The following DIAPH1 variants were observed in gnomAD, a reference collection of about 807,000 sequenced individuals.
DIAPH1 encodes the protein protein diaphanous homolog 1.
Under a neutral mutation model 140.7 loss-of-function variants are expected in DIAPH1, and 46 were observed. That is an observed-to-expected ratio of 0.33 (90% CI 0.26 to 0.42). The LOEUF (loss-of-function observed/expected upper bound fraction) is 0.42, where lower values mean the gene tolerates loss of function less well. Ranked by LOEUF, DIAPH1 falls within the 10% of genes least tolerant of loss-of-function variation. The pLI is 1.00. For synonymous variants in DIAPH1, 565 were observed against 551.6 expected (o/e 1.02, Z -0.34); for missense variants, 1,310 against 1,558.7 (o/e 0.84, Z 2.69).
intron 18 of DIAPH1, among the ~76,000 whole-genome samples, chr5:141,541,718 G>C (rs1340694203): frequency 6.7e-6 from 1 of 148,712 alleles, no homozygotes; most frequent in Non-Finnish European, 1.5e-5. Flanking sequence ...AAAGAAGAAA[G>C]AAAGAAAAAG....
intron 27 of DIAPH1, among the ~76,000 whole-genome samples, chr5:141,519,430 T>C (rs767383654): frequency 6.6e-6 from 1 of 152,174 alleles, no homozygotes; most frequent in Non-Finnish European, 1.5e-5. Flanking sequence ...TGAAATAACA[T>C]CTGACTCCAG....
intron 14 of DIAPH1, among the ~76,000 whole-genome samples, chr5:141,575,406 CG>C (rs1345457283): frequency 2.0e-5 from 3 of 152,046 alleles, no homozygotes; most frequent in Admixed American, 2.0e-4. Flanking sequence ...CCCAGCACTT[CG>C]GGAGGCCGAG....
At chr5:141,540,067 A>G (rs147750383) in intron 18 of DIAPH1, among the ~76,000 whole-genome samples, 18 of 152,098 alleles carry the variant, frequency 1.2e-4, no homozygotes, top group Non-Finnish European at 4.4e-5. Context: ...TTACAGGTCT[A>G]AATTACCCTC....
intron 1 of DIAPH1, among the ~76,000 whole-genome samples, chr5:141,611,277 GA>G (rs1449459489): frequency 6.6e-6 from 1 of 151,906 alleles, no homozygotes; most frequent in Non-Finnish European, 1.5e-5. Flanking sequence ...AAACAGAGGA[GA>G]AAACCTTAGC....
chr5:141,554,692 A>G (rs532780782), intron 18 of DIAPH1, among the ~76,000 whole-genome samples: 1 of 152,328 alleles, frequency 6.6e-6, no homozygotes, highest in South Asian at 2.1e-4. Context: ...AATAAAAATA[A>G]TAACAGATCA....
At chr5:141,517,890 TG>T (rs1724124612) in intron 27 of DIAPH1, among the ~76,000 whole-genome samples, 1 of 152,224 alleles carries the variant, frequency 6.6e-6, no homozygotes, top group African/African-American at 2.4e-5. Context: ...TATTCATTTA[TG>T]GTATCTAGGC....
chr5:141,523,175 T>C (rs2099886821), intron 27 of DIAPH1, among the ~76,000 whole-genome samples: 1 of 152,186 alleles, frequency 6.6e-6, no homozygotes, highest in South Asian at 2.1e-4. Context: ...AGTATAACTA[T>C]CAAATGGGCC....
intron 13 of DIAPH1, 34 bp from the exon 14 acceptor site, chr5:141,576,328 T>C: frequency 6.6e-7 from 1 of 1,517,806 alleles, no homozygotes; most frequent in Non-Finnish European, 9.2e-7. Flanking sequence ...GTAAAGCTCC[T>C]AATTCTCTTG....
At chr5:141,532,714 A>G (rs138136869) in intron 19 of DIAPH1, among the ~76,000 whole-genome samples, 1,742 of 152,338 alleles carry the variant, frequency 0.011, 25 homozygotes, top group African/African-American at 0.028. Flanking sequence ...GCTTTGTATC[A>G]TTAGCACATG....
chr5:141,614,882 T>C lies in DIAPH1; in HGVS notation c.117+3916A>G, dbSNP rs187919394. On this transcript the variant is annotated intron_variant, in intron 1 of 27. Transcript: ENST00000389054. ...AGTTTTCTGCAAACTTTTGCAAAGC[T>C]CTCTGTATATTTTTCAGTTTTCTGC... Among the ~76,000 whole-genome samples, 1,145 of 151,674 alleles carry C rather than the reference T, an allele frequency of 7.5e-3. 18 individuals carry two copies. The highest frequency in any genetic ancestry group is 0.026 in the African/African-American group (1,087 of 41,330).
intron 1 of DIAPH1, 139 bp downstream of exon 1, chr5:141,618,659 G>C: frequency 1.7e-6 from 1 of 578,348 alleles, no homozygotes. Flanking sequence ...TCGGGCTGCA[G>C]AGCTGCGGAC....
At chr5:141,612,326 G>A (rs2099901977) in intron 1 of DIAPH1, among the ~76,000 whole-genome samples, 1 of 152,154 alleles carries the variant, frequency 6.6e-6, no homozygotes. Context: ...GAGAAATGAA[G>A]ACATATGTCC....
intron 27 of DIAPH1, chr5:141,518,760 C>T: frequency 1.6e-6 from 1 of 643,042 alleles, no homozygotes. Flanking sequence ...TGGGCTCAAG[C>T]AATCCTCCCA....
At chr5:141,553,739 G>A in intron 18 of DIAPH1, among the ~76,000 whole-genome samples, 1 of 151,946 alleles carries the variant, frequency 6.6e-6, no homozygotes, top group Admixed American at 6.6e-5. Context: ...AAAAAAATTA[G>A]AATAAGAATA....
chr5:141,612,016 G>A (rs1297780989), intron 1 of DIAPH1, among the ~76,000 whole-genome samples: 1 of 152,128 alleles, frequency 6.6e-6, no homozygotes, highest in African/African-American at 2.4e-5. Flanking sequence ...CCGGTAAGCC[G>A]AGATTATGCC....
intron 1 of DIAPH1, among the ~76,000 whole-genome samples, chr5:141,593,140 TCAA>T (rs1228627082): frequency 2.0e-5 from 3 of 152,010 alleles, no homozygotes; most frequent in Non-Finnish European, 4.4e-5. Context: ...TTAAGGATCC[TCAA>T]AAGGCTTAGG....
intron 18 of DIAPH1, among the ~76,000 whole-genome samples, chr5:141,539,679 G>C (rs1313855646): frequency 6.6e-6 from 1 of 151,982 alleles, no homozygotes; most frequent in Non-Finnish European, 1.5e-5. Context: ...ATATTTCTGG[G>C]AACTTGCCAT....
In DIAPH1 at chr5:141,526,184, GA is replaced by G; in HGVS notation, c.3439-12del. On this transcript the variant is annotated splice_polypyrimidine_tract_variant and intron_variant, in intron 25 of 27. Transcript: ENST00000389054. ...CTCCTTGACTGCTTGCTGGGGCAGG[GA>G]AGAGGAGGAAGGAACACATGGGCAT... The G allele has an allele frequency of 6.2e-7, 1 of 1,614,098 alleles. No homozygotes were observed. The highest frequency in any genetic ancestry group is 2.2e-5 in the East Asian group (1 of 44,884).
intron 18 of DIAPH1, among the ~76,000 whole-genome samples, chr5:141,551,752 TAAAAC>T (rs994351754): frequency 2.0e-5 from 3 of 152,302 alleles, no homozygotes; most frequent in East Asian, 3.9e-4. Context: ...CAGTAATTGA[TAAAAC>T]AAATAGAATA....
Sources: allele counts gnomAD v4.1 joint callset (sites outside exome capture counted in the v4.1 genomes callset), GRCh38; gene constraint gnomAD v4.1.1; transcripts MANE v1.5; gene names NCBI Gene and HGNC (gene_info 2026-07-23, HGNC 2026-07-21).